LRRIQ1: variants seen among roughly 807,000 people sequenced by gnomAD.
LRRIQ1 encodes the protein leucine-rich repeat- and IQ domain-containing protein 1.
Under a neutral mutation model 211.9 loss-of-function variants are expected in LRRIQ1, and 210 were observed. The ratio of observed to expected loss-of-function variants is 0.99; its 90% CI spans 0.89 to 1.11. The LOEUF (loss-of-function observed/expected upper bound fraction) is 1.11, where lower values mean the gene tolerates loss of function less well. Among genes scored for constraint, LRRIQ1 ranks in the 50% most tolerant of loss-of-function variants. LRRIQ1 has a pLI of 0.00. For missense variants in LRRIQ1, 2,136 were observed against 1,939.5 expected, an observed-to-expected ratio of 1.10 and a Z score of -1.90; for synonymous variants, 699 against 650.1, an observed-to-expected ratio of 1.08 and a Z score of -1.14.
intron 18 of LRRIQ1, among the ~76,000 whole-genome samples, chr12:85,131,064 A>G (rs907179049): frequency 3.0e-4 from 45 of 151,768 alleles, no homozygotes; most frequent in African/African-American, 1.0e-3. Context: ...AAAAAAAAAA[A>G]AATTAGCCAG....
At chr12:85,104,162 A>G in intron 14 of LRRIQ1, 85 bp downstream of exon 14, 1 of 574,256 alleles carries the variant, frequency 1.7e-6, no homozygotes, top group South Asian at 4.4e-5. Flanking sequence ...TTAAATGCAT[A>G]AGTTAATGGC....
intron 24 of LRRIQ1, among the ~76,000 whole-genome samples, chr12:85,198,517 A>G (rs1307997234): frequency 6.6e-6 from 1 of 151,478 alleles, no homozygotes; most frequent in Non-Finnish European, 1.5e-5. Context: ...CTGGTGTGAG[A>G]TAGTATCTCA....
chr12:85,162,543 C>A (rs1890940131), intron 24 of LRRIQ1, among the ~76,000 whole-genome samples: 1 of 152,108 alleles, frequency 6.6e-6, no homozygotes, highest in South Asian at 2.1e-4. Flanking sequence ...CTAATAGGTT[C>A]TCTTGCATCC....
intron 4 of LRRIQ1, among the ~76,000 whole-genome samples, chr12:85,045,677 A>G (rs1481401400): frequency 6.6e-6 from 1 of 152,056 alleles, no homozygotes; most frequent in East Asian, 1.9e-4. Flanking sequence ...CAGTCACTAC[A>G]GTCAGAAAAA....
Position 85,082,099 on chromosome 12 carries a change from T to C in LRRIQ1, c.2887+9001T>C, listed in dbSNP as rs1009668818. 6.6e-5 allele frequency among the ~76,000 whole-genome samples: 10 copies of C among 152,136 alleles called. No homozygotes were observed. The South Asian group carries it at 8.3e-4, about 13-fold the overall frequency. ...TTTACATTTTTCTCTAGTAAGAAAA[T>C]TGGTAGGTGGGAAACTCTACTGGAT... On this transcript the variant is annotated intron_variant, in intron 11 of 26. Coordinates refer to ENST00000393217, the MANE Select transcript of LRRIQ1 (RefSeq NM_001079910.2).
chr12:85,264,908 T>G (rs1896390253), downstream of LRRIQ1, among the ~76,000 whole-genome samples: 1 of 152,028 alleles, frequency 6.6e-6, no homozygotes, highest in Non-Finnish European at 1.5e-5. Context: ...CCCACTGATG[T>G]AACACTTATC....
At chr12:85,069,922 G>A (rs1031062381) in intron 10 of LRRIQ1, among the ~76,000 whole-genome samples, 2 of 151,998 alleles carry the variant, frequency 1.3e-5, no homozygotes, top group Non-Finnish European at 2.9e-5. Context: ...TTCTTTTGCT[G>A]TGCAGAAGCT....
At chr12:85,202,159 A>AGTT (rs774938813) in intron 24 of LRRIQ1, among the ~76,000 whole-genome samples, 1 of 151,934 alleles carries the variant, frequency 6.6e-6, no homozygotes. Context: ...GTATAAATTC[A>AGTT]GTTGTTGTTG....
At chr12:85,198,341 A>G (rs1893106951) in intron 24 of LRRIQ1, among the ~76,000 whole-genome samples, 1 of 150,662 alleles carries the variant, frequency 6.6e-6, no homozygotes, top group South Asian at 2.1e-4. Context: ...GGAATTGCTG[A>G]GGTAAATGGT....
intron 24 of LRRIQ1, among the ~76,000 whole-genome samples, chr12:85,221,909 G>A (rs1263330404): frequency 6.6e-6 from 1 of 152,150 alleles, no homozygotes; most frequent in Non-Finnish European, 1.5e-5. Context: ...TCTGTGGGAG[G>A]AAGAATAAAA....
downstream of LRRIQ1, among the ~76,000 whole-genome samples, chr12:85,264,996 G>A (rs1896391658): frequency 6.6e-6 from 1 of 151,970 alleles, no homozygotes; most frequent in African/African-American, 2.4e-5. Context: ...CTAGGTAGGG[G>A]GTGTTTGGAG....
intron 11 of LRRIQ1, among the ~76,000 whole-genome samples, chr12:85,097,449 C>T (rs933155458): frequency 1.3e-5 from 2 of 151,558 alleles, no homozygotes; most frequent in African/African-American, 4.9e-5. Context: ...TGATGTTCCC[C>T]CCGCTGTGTC....
At chr12:85,106,454 G>A in intron 14 of LRRIQ1, 68 bp from the exon 15 acceptor site, 2 of 1,095,718 alleles carry the variant, frequency 1.8e-6, no homozygotes. Context: ...AAATACAGTG[G>A]TCATAGATTT....
chr12:85,229,479 T>C (rs753068267), intron 24 of LRRIQ1, 38 bp from the exon 25 acceptor site: 5 of 1,548,050 alleles, frequency 3.2e-6, no homozygotes, highest in Non-Finnish European at 4.3e-6. Context: ...GTTTGGTCTC[T>C]TTAAATAATA....
At chr12:85,239,678 T>C (rs549572627) in intron 26 of LRRIQ1, among the ~76,000 whole-genome samples, 229 of 152,128 alleles carry the variant, frequency 1.5e-3, no homozygotes, top group Non-Finnish European at 2.9e-3. Flanking sequence ...AAGCCAAAAT[T>C]GTAAAACCTA....
intron 24 of LRRIQ1, 120 bp from the exon 25 acceptor site, chr12:85,229,397 C>A (rs1435119945): frequency 2.8e-6 from 2 of 713,764 alleles, no homozygotes; most frequent in African/African-American, 1.8e-5. Context: ...ACAGATTTAG[C>A]TCTCATAAGT....
chr12:85,100,553 C>A (rs2136289767), intron 13 of LRRIQ1, among the ~76,000 whole-genome samples: 1 of 151,746 alleles, frequency 6.6e-6, no homozygotes, highest in Middle Eastern at 3.4e-3. Context: ...ACCCACAGAG[C>A]ATTTTGGCAT....
chr12:85,262,132 C>T (rs1896318559), intron 1 of LRRIQ1, among the ~76,000 whole-genome samples: 1 of 152,114 alleles, frequency 6.6e-6, no homozygotes, highest in Non-Finnish European at 1.5e-5. Flanking sequence ...TGGGGTCTTA[C>T]TGAGTAAACA....
At chr12:85,150,692 T>G (rs1480377246) in intron 19 of LRRIQ1, among the ~76,000 whole-genome samples, 1 of 151,702 alleles carries the variant, frequency 6.6e-6, no homozygotes, top group Non-Finnish European at 1.5e-5. Flanking sequence ...TTTTCAACCC[T>G]TTTCTTTCTG....
Sources: gnomAD v4.1 joint callset for allele counts (sites outside exome capture counted in the v4.1 genomes callset) on GRCh38, gnomAD v4.1.1 for gene constraint, MANE v1.5 for transcripts, NCBI Gene and HGNC (gene_info 2026-07-23, HGNC 2026-07-21) for gene names.